The following HTR1E variants were observed in gnomAD, a reference collection of about 807,000 sequenced individuals.
HTR1E encodes the protein 5-hydroxytryptamine receptor 1E, also known as 5-HT-1E.
HTR1E carries 3 observed loss-of-function variants against 3.4 expected under a neutral mutation model. The ratio of observed to expected loss-of-function variants is 0.89; its 90% CI spans 0.41 to 2.31. HTR1E has a LOEUF of 2.31. Ranked by LOEUF, HTR1E falls within the 30% of genes most tolerant of loss-of-function variation. HTR1E has a pLI of 0.05. For synonymous variants in HTR1E, 170 were observed against 182.8 expected (o/e 0.93, Z 0.56); for missense variants, 392 against 467.0 (o/e 0.84, Z 1.48).
At chr6:86,968,747 T>A (rs1490280933) in intron 1 of HTR1E, among the ~76,000 whole-genome samples, 1 of 152,168 alleles carries the variant, frequency 6.6e-6, no homozygotes, top group Non-Finnish European at 1.5e-5. Flanking sequence ...TTTTTCCTAG[T>A]GTGGCATTCG....
intron 1 of HTR1E, among the ~76,000 whole-genome samples, chr6:86,965,237 T>C (rs1468573481): frequency 6.6e-6 from 1 of 152,172 alleles, no homozygotes; most frequent in Non-Finnish European, 1.5e-5. Context: ...TTGAAGCAGT[T>C]CTCAGAGTCT....
intron 1 of HTR1E, among the ~76,000 whole-genome samples, chr6:86,964,627 T>G (rs1416488572): frequency 6.6e-6 from 1 of 152,234 alleles, no homozygotes; most frequent in Admixed American, 6.5e-5. Flanking sequence ...GTTGTAAACT[T>G]TGTCTAAGCT....
intron 1 of HTR1E, among the ~76,000 whole-genome samples, chr6:86,945,204 G>A (rs1234696125): frequency 6.6e-6 from 1 of 152,090 alleles, no homozygotes; most frequent in East Asian, 1.9e-4. Context: ...TCCTGAGCCT[G>A]TGTAGGCTAA....
intron 1 of HTR1E, among the ~76,000 whole-genome samples, chr6:86,939,238 C>T (rs975723680): frequency 6.6e-6 from 1 of 152,204 alleles, no homozygotes; most frequent in East Asian, 1.9e-4. Flanking sequence ...CTCCAGCCCA[C>T]GGAGTTGTGA....
chr6:86,996,528 T>G (rs1411153556), intron 1 of HTR1E, among the ~76,000 whole-genome samples: 1 of 152,064 alleles, frequency 6.6e-6, no homozygotes, highest in Non-Finnish European at 1.5e-5. Context: ...ATCAGTAATA[T>G]CAGTAAAATG....
chr6:86,950,908 T>G (rs1767229856), intron 1 of HTR1E, among the ~76,000 whole-genome samples: 1 of 152,222 alleles, frequency 6.6e-6, no homozygotes. Context: ...TTTTCTACAC[T>G]GAAATTGAGC....
intron 1 of HTR1E, among the ~76,000 whole-genome samples, chr6:86,974,210 T>C (rs1767599557): frequency 6.6e-6 from 1 of 152,370 alleles, no homozygotes; most frequent in South Asian, 2.1e-4. Flanking sequence ...GCCAGCCTAA[T>C]GCTCCATCAC....
chr6:86,955,429 G>A (rs1178427905), intron 1 of HTR1E, among the ~76,000 whole-genome samples: 5 of 152,128 alleles, frequency 3.3e-5, no homozygotes, highest in Non-Finnish European at 5.9e-5. Flanking sequence ...AAAGTGGCAC[G>A]GGTCATTTCA....
chr6:87,011,796 T>A (rs935933464), intron 1 of HTR1E, among the ~76,000 whole-genome samples: 1 of 152,124 alleles, frequency 6.6e-6, no homozygotes, highest in African/African-American at 2.4e-5. Flanking sequence ...ATAGGAGATT[T>A]ATTAATAAAA....
intron 1 of HTR1E, among the ~76,000 whole-genome samples, chr6:86,988,867 A>T (rs913962385): frequency 1.3e-5 from 2 of 152,194 alleles, no homozygotes; most frequent in Non-Finnish European, 2.9e-5. Flanking sequence ...AAATATCAAC[A>T]TAAGAGCCAA....
At position 87,002,212 on chromosome 6, in the gene HTR1E, G is replaced by A. The variant is rs111609563; in HGVS notation, c.-185-12938G>A. ...TACAGTTCTTAAAGATGGTGTGTCCGGAGTTTGTTACTTCAGATGTTCAGA... is the reference window on the plus strand; with the variant it reads ...TACAGTTCTTAAAGATGGTGTGTCCAGAGTTTGTTACTTCAGATGTTCAGA... On this transcript the variant is annotated intron_variant, in intron 1 of 1. Coordinates refer to ENST00000305344, the MANE Select transcript of HTR1E (RefSeq NM_000865.3). 8.0e-3 allele frequency among the ~76,000 whole-genome samples: 1,215 copies of A among 152,246 alleles called. 5 individuals are homozygous for A. The highest frequency in any genetic ancestry group is 0.01 in the Non-Finnish European group (710 of 68,020).
In HTR1E at chr6:86,997,342, C is replaced by T. The variant is rs1362587354; in HGVS notation, c.-185-17808C>T. Among the ~76,000 whole-genome samples the T allele has an allele frequency of 3.3e-5, 5 of 151,214 alleles. 1 individual carries two copies. The highest frequency in any genetic ancestry group is 1.3e-4 in the Admixed American group (2 of 15,208). On this transcript the variant is annotated intron_variant, in intron 1 of 1. Transcript: ENST00000305344. ...TCAACATAGTACTGGTAGATCTAAC[C>T]GCTAAAATAAGACGAGAATAAAAAA...
intron 1 of HTR1E, among the ~76,000 whole-genome samples, chr6:86,943,416 G>A (rs550891114): frequency 1.3e-4 from 20 of 152,264 alleles, no homozygotes; most frequent in Non-Finnish European, 2.5e-4. Flanking sequence ...CCAACTCTAC[G>A]GACCTGGGGT....
At chr6:86,958,404 C>T (rs1352649540) in intron 1 of HTR1E, among the ~76,000 whole-genome samples, 1 of 152,142 alleles carries the variant, frequency 6.6e-6, no homozygotes, top group East Asian at 1.9e-4. Context: ...CCCAAACATT[C>T]TGTCTAAAGT....
intron 1 of HTR1E, among the ~76,000 whole-genome samples, chr6:86,944,858 G>C (rs376364081): frequency 6.6e-6 from 1 of 152,178 alleles, no homozygotes; most frequent in Admixed American, 6.5e-5. Context: ...ATGTGCTTGT[G>C]ATGAGGCTGG....
chr6:87,016,295 G>A lies in HTR1E; in HGVS notation c.961G>A (p.Val321Met), dbSNP rs764082795. 14 of 1,614,018 alleles carry A rather than the reference G, an allele frequency of 8.7e-6. No individual in the cohort carries two copies. Among genetic ancestry groups the A allele is most frequent in the East Asian group, 4.5e-5 (2 of 44,898 alleles). Reference protein sequence around the residue: ...ELIVGLSIYTVSSEVADFLTW... With the variant: ...ELIVGLSIYTMSSEVADFLTW... The stretch of plus-strand genomic sequence containing the variant: ...GATTGTGGGTCTGAGCATCTACACC[G>A]TGTCCTCGGAAGTGGCCGACTTTCT... Residue 321 changes from valine to methionine, a missense_variant, in exon 2 of 2, where the codon GTG (valine) becomes ATG (methionine). Physicochemically the swap from Val to Met is conservative, Grantham distance 21 (BLOSUM62 1). Around this residue, in one of 3 missense-constraint regions of HTR1E, gnomAD observed 178 missense variants for 164.9 expected, o/e 1.08. Coordinates refer to ENST00000305344, the MANE Select transcript of HTR1E (RefSeq NM_000865.3).
At chr6:86,973,143 T>C (rs947242353) in intron 1 of HTR1E, among the ~76,000 whole-genome samples, 20 of 152,200 alleles carry the variant, frequency 1.3e-4, no homozygotes, top group Middle Eastern at 3.2e-3. Context: ...GGGTAAAAAC[T>C]GTATCTTCAT....
At chr6:86,980,758 TTAAAGAG>T (rs1262664022) in intron 1 of HTR1E, among the ~76,000 whole-genome samples, 1 of 152,228 alleles carries the variant, frequency 6.6e-6, no homozygotes, top group Non-Finnish European at 1.5e-5. Context: ...TTTATTCCTC[TTAAAGAG>T]TAAAGTGTTT....
intron 1 of HTR1E, among the ~76,000 whole-genome samples, chr6:86,952,879 T>C (rs1366640296): frequency 6.6e-6 from 1 of 152,200 alleles, no homozygotes; most frequent in Non-Finnish European, 1.5e-5. Context: ...ACATCATACA[T>C]TGGTTACCAG....
Sources: gnomAD v4.1 joint callset for allele counts (sites outside exome capture counted in the v4.1 genomes callset) on GRCh38, gnomAD v4.1.1 for gene constraint, gnomAD v4.1.1 regional missense constraint, MANE v1.5 for transcripts, NCBI Gene and HGNC (gene_info 2026-07-23, HGNC 2026-07-21) for gene names.